THSD7A: variants seen among roughly 807,000 people sequenced by gnomAD.
THSD7A encodes thrombospondin type-1 domain-containing protein 7A.
A neutral mutation model predicts 231.3 loss-of-function variants in THSD7A; 96 were observed. The ratio of observed to expected loss-of-function variants is 0.41; its 90% CI spans 0.35 to 0.49. The LOEUF (loss-of-function observed/expected upper bound fraction) is 0.49. THSD7A is among the 20% of genes least tolerant of loss of function. THSD7A has a pLI of 0.05. For missense variants in THSD7A, 2,290 were observed against 2,070.2 expected (o/e 1.11, Z -2.06); for synonymous variants, 940 against 743.3 (o/e 1.26, Z -4.30).
intron 6 of THSD7A, among the ~76,000 whole-genome samples, chr7:11,526,672 G>A (rs1788487985): frequency 6.6e-6 from 1 of 152,128 alleles, no homozygotes; most frequent in Admixed American, 6.6e-5. Context: ...AGAGCTGATG[G>A]TTTTAAAAGT....
Position 11,374,784 on chromosome 7 carries a change from C to CT in THSD7A, c.*1009dup, listed in dbSNP as rs1782199281. On this transcript the variant is annotated 3_prime_UTR_variant, in exon 28 of 28. Transcript: ENST00000423059. ...CGCCATGTTGTCAATTTCACAATGG[C>CT]TGCAGTGATGAGGAAGTGTGTGTAC... is the stretch of plus-strand genomic sequence containing the variant. 1 of 152,038 alleles carries CT rather than the reference C, an allele frequency of 6.6e-6. No homozygotes were observed. The highest frequency in any genetic ancestry group is 2.4e-5 in the African/African-American group (1 of 41,412). The allele number at this position is 152,038 out of a possible 1,614,324, so 9.4% of individuals were successfully genotyped here. A position where few individuals can be genotyped will look rare whatever the true frequency, so the allele number is the denominator to read the frequency against.
At chr7:11,819,519 G>T (rs1784804815) in intron 1 of THSD7A, among the ~76,000 whole-genome samples, 1 of 152,172 alleles carries the variant, frequency 6.6e-6, no homozygotes. Context: ...GAAAAGGCAT[G>T]TAGAAAACTT....
chr7:11,690,746 A>C (rs939239910), intron 1 of THSD7A, among the ~76,000 whole-genome samples: 3 of 151,816 alleles, frequency 2.0e-5, no homozygotes, highest in African/African-American at 4.8e-5. Context: ...CAATTTCTGT[A>C]CAAGAATCTT....
intron 4 of THSD7A, among the ~76,000 whole-genome samples, chr7:11,589,649 T>C (rs564445212): frequency 6.6e-5 from 10 of 152,310 alleles, no homozygotes; most frequent in African/African-American, 2.2e-4. Context: ...TATGTTAATA[T>C]ACGTTCAATG....
At chr7:11,730,391 A>G (rs1041419419) in intron 1 of THSD7A, among the ~76,000 whole-genome samples, 2 of 151,626 alleles carry the variant, frequency 1.3e-5, no homozygotes, top group East Asian at 1.9e-4. Flanking sequence ...GAACTTCACA[A>G]TCTTCCTTTT....
intron 11 of THSD7A, among the ~76,000 whole-genome samples, chr7:11,454,532 G>A (rs188411377): frequency 1.6e-4 from 24 of 148,792 alleles, no homozygotes; most frequent in African/African-American, 5.2e-4. Context: ...TAAATGCTGT[G>A]TCTCTTTCAC....
intron 1 of THSD7A, among the ~76,000 whole-genome samples, chr7:11,653,525 T>C (rs1782589975): frequency 6.6e-6 from 1 of 150,678 alleles, no homozygotes; most frequent in South Asian, 2.1e-4. Flanking sequence ...TCTTGCTATG[T>C]TGCCCAGGCT....
chr7:11,603,920 C>T (rs1437819634), intron 2 of THSD7A, among the ~76,000 whole-genome samples: 1 of 150,612 alleles, frequency 6.6e-6, no homozygotes, highest in Non-Finnish European at 1.5e-5. Context: ...GGAGATATAC[C>T]TAATGCTAGA....
At chr7:11,510,923 G>A (rs569904732) in intron 6 of THSD7A, among the ~76,000 whole-genome samples, 1 of 152,272 alleles carries the variant, frequency 6.6e-6, no homozygotes, top group Non-Finnish European at 1.5e-5. Context: ...AGTGTTGGAA[G>A]TTCTGGCCAG....
At chr7:11,813,714 AAATAATAATAATAATAAT>A (rs61350544) in intron 1 of THSD7A, among the ~76,000 whole-genome samples, 117 of 145,112 alleles carry the variant, frequency 8.1e-4, no homozygotes, top group Admixed American at 3.8e-3. Context: ...CTCCATCTCA[AAATAATAATAATAATAAT>A]AATAATAATA....
At chr7:11,598,708 C>G (rs575928684) in intron 2 of THSD7A, among the ~76,000 whole-genome samples, 12 of 152,272 alleles carry the variant, frequency 7.9e-5, no homozygotes, top group African/African-American at 2.4e-4. Context: ...TCTCCCATAG[C>G]CAGAATTCAT....
rs371931550 is a variant in THSD7A at position 11,401,980 on chromosome 7, A to G, written c.4238-12T>C. On this transcript the variant is annotated splice_polypyrimidine_tract_variant and intron_variant, in intron 22 of 27. Transcript: ENST00000423059. The stretch of plus-strand genomic sequence containing the variant: ...CAAATAACAGTCACCTGTAAAACAC[A>G]TATTTGTAATTTACACCCATATCCA... The G allele has an allele frequency of 2.5e-5, 40 of 1,607,532 alleles. 1 individual carries two copies. The highest frequency in any genetic ancestry group is 2.0e-4 in the African/African-American group (15 of 74,576).
chr7:11,379,279 G>C lies in THSD7A; in HGVS notation c.4592C>G (p.Thr1531Arg), dbSNP rs889792670. The C allele has an allele frequency of 2.2e-5, 35 of 1,613,288 alleles. No homozygotes were observed. Among genetic ancestry groups the C allele is most frequent in the Non-Finnish European group, 2.8e-5 (33 of 1,179,498 alleles). Residue 1531 changes from threonine (T) to arginine (R), a missense_variant and splice_region_variant, in exon 26 of 28, where the codon ACA becomes AGA. Thr to Arg is a moderately conservative substitution (Grantham distance 71). Transcript: ENST00000423059. Reference protein sequence around the residue: ...CSQPHSYCSETKTCHCEEGYT... With the variant: ...CSQPHSYCSERKTCHCEEGYT... ...CCCTTCTTCACAATGGCATGTTTTT[G>C]TCTGCAGGAGAACAAGAAGATTTAT...
chr7:11,464,232 C>T (rs998499120), intron 9 of THSD7A, among the ~76,000 whole-genome samples: 1 of 151,608 alleles, frequency 6.6e-6, no homozygotes, highest in South Asian at 2.1e-4. Context: ...AGGGAGGTTT[C>T]TGTTTTGTTT....
intron 6 of THSD7A, among the ~76,000 whole-genome samples, chr7:11,498,523 C>T (rs566343745): frequency 6.6e-6 from 1 of 152,330 alleles, no homozygotes; most frequent in East Asian, 1.9e-4. Context: ...GGGCCACCAT[C>T]TTTGCTGTTG....
intron 9 of THSD7A, among the ~76,000 whole-genome samples, chr7:11,467,631 T>G (rs1317604347): frequency 6.6e-6 from 1 of 152,162 alleles, no homozygotes; most frequent in East Asian, 1.9e-4. Flanking sequence ...TGTTTTAGAT[T>G]TTTTATTTTA....
intron 6 of THSD7A, among the ~76,000 whole-genome samples, chr7:11,505,847 T>TA (rs893701567): frequency 6.6e-6 from 1 of 152,174 alleles, no homozygotes; most frequent in Non-Finnish European, 1.5e-5. Context: ...GAGATTTATA[T>TA]AACTATGGGG....
At chr7:11,760,336 C>T (rs1343979348) in intron 1 of THSD7A, among the ~76,000 whole-genome samples, 1 of 151,834 alleles carries the variant, frequency 6.6e-6, no homozygotes, top group Admixed American at 6.6e-5. Context: ...ATAGATAGTG[C>T]TTCAAAAATA....
At chr7:11,706,226 T>C (rs374920781) in intron 1 of THSD7A, among the ~76,000 whole-genome samples, 1 of 151,078 alleles carries the variant, frequency 6.6e-6, no homozygotes, top group East Asian at 2.0e-4. Context: ...ATATCTCTTA[T>C]TGATACAGCT....
Sources: gnomAD v4.1 joint callset for allele counts (sites outside exome capture counted in the v4.1 genomes callset) on GRCh38, gnomAD v4.1.1 for gene constraint, MANE v1.5 for transcripts, NCBI Gene and HGNC (gene_info 2026-07-23, HGNC 2026-07-21) for gene names.